Variants in SLC4A8 observed in about 807,000 individuals in gnomAD.
The protein encoded by SLC4A8 is electroneutral sodium bicarbonate exchanger 1.
SLC4A8 carries 40 observed loss-of-function variants against 125.0 expected under a neutral mutation model. The ratio of observed to expected loss-of-function variants is 0.32; its 90% CI spans 0.25 to 0.42. The LOEUF is 0.42. SLC4A8 is among the 10% of genes least tolerant of loss of function. The pLI is 1.00. For synonymous variants in SLC4A8, 456 were observed against 476.0 expected (o/e 0.96, Z 0.55); for missense variants, 863 against 1,355.1 (o/e 0.64, Z 5.70).
chr12:51,392,441 C>A (rs1007465704), intron 1 of SLC4A8, among the ~76,000 whole-genome samples: 1 of 151,256 alleles, frequency 6.6e-6, no homozygotes, highest in African/African-American at 2.4e-5. Context: ...GGCGTAGTGG[C>A]GGGCGTCTGT....
chr12:51,449,630 G>A (rs1949899262), intron 2 of SLC4A8, among the ~76,000 whole-genome samples: 1 of 152,066 alleles, frequency 6.6e-6, no homozygotes. Context: ...TGGTGCATTG[G>A]GCATGGGAGC....
At chr12:51,445,944 G>GA (rs1949761085) in intron 2 of SLC4A8, among the ~76,000 whole-genome samples, 1 of 152,226 alleles carries the variant, frequency 6.6e-6, no homozygotes, top group Non-Finnish European at 1.5e-5. Context: ...ACAATTACTT[G>GA]ACTCTAGTCT....
At chr12:51,396,279 G>A (rs1948259228) in intron 1 of SLC4A8, among the ~76,000 whole-genome samples, 1 of 152,128 alleles carries the variant, frequency 6.6e-6, no homozygotes, top group South Asian at 2.1e-4. Flanking sequence ...TAGCCTCTAT[G>A]CTAGGTCAGG....
intron 22 of SLC4A8, 76 bp from the exon 23 acceptor site, chr12:51,503,953 T>C (rs1364099221): frequency 4.0e-6 from 3 of 753,736 alleles, no homozygotes; most frequent in Admixed American, 5.5e-5. Context: ...TAGGTAGAAA[T>C]TGTGGTAGAA....
At chr12:51,453,460 T>C (rs1950030490) in intron 4 of SLC4A8, 79 bp from the exon 5 acceptor site, 13 of 1,409,684 alleles carry the variant, frequency 9.2e-6, no homozygotes, top group Non-Finnish European at 1.3e-5. Context: ...TATCTTCCTC[T>C]GTGGCTCACA....
chr12:51,472,406 A>G (rs1310245546), intron 14 of SLC4A8, among the ~76,000 whole-genome samples: 1 of 152,210 alleles, frequency 6.6e-6, no homozygotes, highest in African/African-American at 2.4e-5. Context: ...TTCACTCATT[A>G]ACCTTTTAAA....
At chr12:51,400,434 G>A (rs1948349921) in intron 1 of SLC4A8, among the ~76,000 whole-genome samples, 1 of 151,990 alleles carries the variant, frequency 6.6e-6, no homozygotes, top group Non-Finnish European at 1.5e-5. Flanking sequence ...TTTTCTCAGA[G>A]TTGGGACCCA....
In SLC4A8 at chr12:51,497,062, C is replaced by A; in HGVS notation, c.3019C>A (p.Leu1007Ile). 6.2e-7 allele frequency: 1 copy of A among 1,613,746 alleles called. No homozygotes were observed. Among genetic ancestry groups the A allele is most frequent in the Non-Finnish European group, 8.5e-7 (1 of 1,179,948 alleles). Reference protein sequence around the residue: ...SKRELSWLDDLMPESKKKKLD... With the variant: ...SKRELSWLDDIMPESKKKKLD... Reference sequence around the variant, plus strand: ...GCGAGAGCTGAGCTGGCTAGATGATCTCATGCCTGAAAGCAAAAAGAAGAA... The same window carrying A: ...GCGAGAGCTGAGCTGGCTAGATGATATCATGCCTGAAAGCAAAAAGAAGAA... Residue 1007 changes from leucine to isoleucine, a missense_variant, in exon 22 of 25, where the codon CTC (leucine) becomes ATC (isoleucine). By Grantham distance (5) the Leu-to-Ile change is conservative (BLOSUM62 2). Around this residue, in one of 6 missense-constraint regions of SLC4A8, gnomAD observed 92 missense variants for 125.6 expected, o/e 0.73. Transcript: ENST00000453097.
At chr12:51,402,591 G>A (rs147703078) in intron 1 of SLC4A8, among the ~76,000 whole-genome samples, 9 of 152,178 alleles carry the variant, frequency 5.9e-5, no homozygotes, top group South Asian at 2.1e-4. Flanking sequence ...GTGTAGTGGC[G>A]TGTACCTGTA....
chr12:51,488,179 G>C (rs1246066961), intron 17 of SLC4A8, among the ~76,000 whole-genome samples: 1 of 152,234 alleles, frequency 6.6e-6, no homozygotes, highest in Non-Finnish European at 1.5e-5. Flanking sequence ...TGCCCAATGT[G>C]CTAGAAGCCA....
chr12:51,474,647 T>C (rs1950808528), intron 15 of SLC4A8, 200 bp downstream of exon 15: 3 of 945,112 alleles, frequency 3.2e-6, no homozygotes, highest in East Asian at 2.7e-5. Context: ...ACCCTTCTCT[T>C]TTCTCCCCCC....
At chr12:51,418,059 A>G (rs1948721807) in intron 1 of SLC4A8, among the ~76,000 whole-genome samples, 1 of 152,254 alleles carries the variant, frequency 6.6e-6, no homozygotes, top group Admixed American at 6.5e-5. Flanking sequence ...TATCCTGATC[A>G]TGCCCTGTCT....
At chr12:51,493,679 G>A (rs1445781591) in intron 19 of SLC4A8, 25 bp from the exon 20 acceptor site, 1 of 1,515,722 alleles carries the variant, frequency 6.6e-7, no homozygotes, top group East Asian at 2.3e-5. Flanking sequence ...TTAATTTCTG[G>A]CCTTTCTTGT....
In SLC4A8 at chr12:51,408,533, G is replaced by A. The variant is rs539490417; in HGVS notation, c.-112+17045G>A. Among the ~76,000 whole-genome samples the A allele has an allele frequency of 3.0e-3, 454 of 152,262 alleles. 3 individuals are homozygous for A. The highest frequency in any genetic ancestry group is 0.01 in the African/African-American group (428 of 41,548). On this transcript the variant is annotated intron_variant, in intron 1 of 24. Transcript: ENST00000358657. Reference sequence around the variant, plus strand: ...ATTACAGACGTGAGACACTGCGCCCGGCCTATAATGGGTTTTCTGAGAGAT... The same window carrying A: ...ATTACAGACGTGAGACACTGCGCCCAGCCTATAATGGGTTTTCTGAGAGAT...
chr12:51,433,399 C>A (rs1184110033), intron 1 of SLC4A8, among the ~76,000 whole-genome samples: 1 of 151,914 alleles, frequency 6.6e-6, no homozygotes, highest in Non-Finnish European at 1.5e-5. Flanking sequence ...TTTTTCCTTC[C>A]TTTCTTCCTT....
At chr12:51,424,063 C>CAAAAAAAAAAA (rs199851698), upstream of SLC4A8, among the ~76,000 whole-genome samples, 3 of 107,052 alleles carry the variant, frequency 2.8e-5, no homozygotes, top group Admixed American at 1.1e-4. Context: ...ACAAAAAAAA[C>CAAAAAAAAAAA]AACAAAAAAA....
At chr12:51,463,857 C>CT in intron 11 of SLC4A8, 143 bp downstream of exon 11, 1 of 593,852 alleles carries the variant, frequency 1.7e-6, no homozygotes, top group South Asian at 2.2e-5. Context: ...GAACCACTGA[C>CT]TAGAAGTATT....
chr12:51,465,748 C>G (rs1950492253), intron 11 of SLC4A8, among the ~76,000 whole-genome samples: 1 of 152,192 alleles, frequency 6.6e-6, no homozygotes, highest in Admixed American at 6.5e-5. Flanking sequence ...TGACCTTCCT[C>G]CCATTGTAGC....
At chr12:51,406,108 A>G (rs28624397) in intron 1 of SLC4A8, among the ~76,000 whole-genome samples, 30,766 of 152,156 alleles carry the variant, frequency 0.2, 4,197 homozygotes, top group African/African-American at 0.38. Flanking sequence ...GGTGGTAGCC[A>G]CAGTGGCAGA....
Sources: allele counts gnomAD v4.1 joint callset (sites outside exome capture counted in the v4.1 genomes callset), GRCh38; gene constraint gnomAD v4.1.1; regional missense constraint gnomAD v4.1.1; transcripts MANE v1.5; gene names NCBI Gene and HGNC (gene_info 2026-07-23, HGNC 2026-07-21).